The following AUTS2 variants were observed in gnomAD, a reference collection of about 807,000 sequenced individuals.
The protein encoded by AUTS2 is activator of transcription and developmental regulator AUTS2, also known as autism susceptibility gene 2 protein.
A neutral mutation model predicts 112.4 loss-of-function variants in AUTS2; 17 were observed. The observed-to-expected ratio is 0.15, with a 90% CI of 0.10 to 0.23. The LOEUF (loss-of-function observed/expected upper bound fraction) is 0.23. Ranked by LOEUF, AUTS2 falls within the 10% of genes least tolerant of loss-of-function variation. The probability of loss-of-function intolerance (pLI) is 1.00; values close to 1 mark genes in which losing one functional copy is unlikely to be tolerated. For synonymous variants in AUTS2, 751 were observed against 702.7 expected (o/e 1.07, Z -1.09); for missense variants, 1,510 against 1,701.6 (o/e 0.89, Z 1.98).
chr7:70,355,970 G>C (rs1375544451), intron 4 of AUTS2, among the ~76,000 whole-genome samples: 1 of 152,116 alleles, frequency 6.6e-6, no homozygotes, highest in Non-Finnish European at 1.5e-5. Context: ...ACCTTAATTG[G>C]TCTTAGTGGG....
intron 4 of AUTS2, among the ~76,000 whole-genome samples, chr7:70,313,554 A>C (rs889301438): frequency 6.6e-6 from 1 of 152,160 alleles, no homozygotes; most frequent in African/African-American, 2.4e-5. Flanking sequence ...CCTGGAGGGG[A>C]TGCTGACATT....
chr7:70,226,906 A>T (rs1179676100), intron 4 of AUTS2, among the ~76,000 whole-genome samples: 1 of 152,194 alleles, frequency 6.6e-6, no homozygotes, highest in Non-Finnish European at 1.5e-5. Context: ...ACCAAAGGTG[A>T]TTGACATTAG....
intron 14 of AUTS2, among the ~76,000 whole-genome samples, chr7:70,780,883 T>TAAAC (rs927058351): frequency 3.9e-5 from 6 of 152,224 alleles, no homozygotes; most frequent in African/African-American, 1.4e-4. Context: ...AAAGAGTCAT[T>TAAAC]AAACAAACAA....
chr7:70,532,904 G>A (rs1169770651), intron 5 of AUTS2, among the ~76,000 whole-genome samples: 4 of 152,192 alleles, frequency 2.6e-5, no homozygotes, highest in African/African-American at 9.7e-5. Context: ...TTAAGACAGT[G>A]GACACATTCC....
chr7:69,798,303 A>G (rs1789937313), intron 1 of AUTS2, among the ~76,000 whole-genome samples: 1 of 152,138 alleles, frequency 6.6e-6, no homozygotes. Flanking sequence ...ATGATACCCC[A>G]AGTGATTTTC....
At chr7:70,004,725 T>C (rs557855834) in intron 2 of AUTS2, among the ~76,000 whole-genome samples, 31 of 151,902 alleles carry the variant, frequency 2.0e-4, no homozygotes, top group Non-Finnish European at 3.5e-4. Flanking sequence ...GAAAAAAAAT[T>C]ACTTCATTTT....
intron 2 of AUTS2, among the ~76,000 whole-genome samples, chr7:70,039,348 T>G (rs1179004201): frequency 6.7e-6 from 1 of 149,818 alleles, no homozygotes; most frequent in African/African-American, 2.5e-5. Flanking sequence ...TCAGTTTGGG[T>G]TTTTGTTGTT....
intron 1 of AUTS2, among the ~76,000 whole-genome samples, chr7:69,730,120 G>A (rs1786726272): frequency 6.6e-6 from 1 of 150,758 alleles, no homozygotes; most frequent in Non-Finnish European, 1.5e-5. Flanking sequence ...GGGAGTCCAG[G>A]TGTGTGCCAC....
chr7:70,652,574 G>A lies in AUTS2; in HGVS notation c.691-45995G>A, dbSNP rs185581332. Among the ~76,000 whole-genome samples the A allele has an allele frequency of 1.4e-3, 215 of 152,278 alleles. 1 individual carries two copies. The highest frequency in any genetic ancestry group is 3.1e-3 in the Admixed American group (48 of 15,282). On this transcript the variant is annotated intron_variant, in intron 5 of 18. Coordinates refer to ENST00000342771, the MANE Select transcript of AUTS2 (RefSeq NM_015570.4). ...AATGTGCCAAGTCATAGAAAATTGTGGTAGCCCTGAATTTTCAAGAATGGT... is the reference window on the plus strand; with the variant it reads ...AATGTGCCAAGTCATAGAAAATTGTAGTAGCCCTGAATTTTCAAGAATGGT...
chr7:70,253,767 C>T (rs142292175), intron 4 of AUTS2, among the ~76,000 whole-genome samples: 10 of 151,416 alleles, frequency 6.6e-5, no homozygotes, highest in East Asian at 3.9e-4. Context: ...TTTTTTCTGC[C>T]GGCAATACTA....
chr7:69,888,256 C>G (rs774778626), intron 1 of AUTS2, among the ~76,000 whole-genome samples: 5 of 151,498 alleles, frequency 3.3e-5, no homozygotes, highest in Non-Finnish European at 7.4e-5. Flanking sequence ...AAGAATGGTG[C>G]TGGCATCTGC....
chr7:70,760,256 T>C (rs543793414), intron 6 of AUTS2, among the ~76,000 whole-genome samples: 23 of 152,294 alleles, frequency 1.5e-4, no homozygotes, highest in South Asian at 4.1e-4. Flanking sequence ...CCGCCCGCCT[T>C]GGCCTCCCAA....
rs149589468 is a variant in AUTS2 at position 70,371,877 on chromosome 7, G to A, written c.661-63875G>A. On this transcript the variant is annotated intron_variant, in intron 4 of 18. Coordinates refer to ENST00000342771, the MANE Select transcript of AUTS2 (RefSeq NM_015570.4). Reference sequence around the variant, plus strand: ...ATTGACCTGATGTGTACAGATGACAGCAAATAGATCAATCAGGGTGATGTC... The same window carrying A: ...ATTGACCTGATGTGTACAGATGACAACAAATAGATCAATCAGGGTGATGTC... Among the ~76,000 whole-genome samples the A allele has an allele frequency of 3.9e-3, 591 of 152,268 alleles. 3 individuals are homozygous for A. Among genetic ancestry groups the A allele is most frequent in the Middle Eastern group, 0.014 (4 of 294 alleles).
intron 4 of AUTS2, among the ~76,000 whole-genome samples, chr7:70,327,790 C>G (rs2129618754): frequency 6.6e-6 from 1 of 152,316 alleles, no homozygotes; most frequent in African/African-American, 2.4e-5. Context: ...ATGTTGTCAA[C>G]TGAACCACAT....
At chr7:70,543,563 G>C (rs546006172) in intron 5 of AUTS2, among the ~76,000 whole-genome samples, 76 of 150,900 alleles carry the variant, frequency 5.0e-4, no homozygotes, top group African/African-American at 1.7e-3. Context: ...AAAATGCCAA[G>C]CTAGCAGAGA....
rs1436846954 is a variant in AUTS2, at chr7:70,615,605, G to GTTGTTGT, written c.691-82964_691-82963insTTGTTGT. Among the ~76,000 whole-genome samples, 375 of 126,750 alleles carry GTTGTTGT rather than the reference G, an allele frequency of 3.0e-3. 1 individual carries two copies. Among genetic ancestry groups the GTTGTTGT allele is most frequent in the Non-Finnish European group, 4.6e-3 (276 of 59,448 alleles). The allele number at this position is 126,750 out of a possible 152,430, so 83.2% of individuals were successfully genotyped here. On this transcript the variant is annotated intron_variant, in intron 5 of 18. Transcript: ENST00000342771. ...GTTGTTGTTGTTGTTGTTGTTGTTG[G>GTTGTTGT]AAAAGCATTTATTCTCTTTAGGAGC...
At chr7:70,729,221 G>T (rs1787217324) in intron 6 of AUTS2, 1 of 456,450 alleles carries the variant, frequency 2.2e-6, no homozygotes, top group Admixed American at 2.3e-5. Context: ...GATGGTTAAA[G>T]GTACCATGGC....
At position 69,599,856 on chromosome 7, in the gene AUTS2, C is replaced by T; in HGVS notation, c.203C>T (p.Ser68Phe). ...GGGAAGCCCCCGTCCTCCGCCCCGT[C>T]CCGGCCCAGACCCCCGCGGAGGAAG... ...DNGKPPSSAP[S>F]RPRPPRRKRR... Residue 68 changes from serine (S) to phenylalanine (F), a missense_variant, in exon 1 of 19, where the codon TCC becomes TTC. By Grantham distance (155) the Ser-to-Phe change is radical. This residue lies in a region of AUTS2 where 535 missense variants were observed against 594.3 expected (regional missense o/e 0.90). Transcript: ENST00000342771. The surrounding 1 kb of genome is among the most constrained non-coding windows in gnomAD (Gnocchi z 7.0). The T allele has an allele frequency of 1.2e-6, 2 of 1,613,122 alleles. No individual in the cohort carries two copies. The highest frequency in any genetic ancestry group is 1.7e-6 in the Non-Finnish European group (2 of 1,179,808).
At chr7:69,789,389 A>G (rs1313836937) in intron 1 of AUTS2, among the ~76,000 whole-genome samples, 1 of 152,228 alleles carries the variant, frequency 6.6e-6, no homozygotes, top group Non-Finnish European at 1.5e-5. Context: ...TCAGTGCGTT[A>G]GATGATCTTT....
Sources: gnomAD v4.1 joint callset for allele counts (sites outside exome capture counted in the v4.1 genomes callset) on GRCh38, gnomAD v4.1.1 for gene constraint, gnomAD v4.1.1 regional missense constraint, Gnocchi (gnomAD v3.1) non-coding constraint, MANE v1.5 for transcripts, NCBI Gene and HGNC (gene_info 2026-07-23, HGNC 2026-07-21) for gene names.